The following RNF157 variants were observed in gnomAD, a reference collection of about 807,000 sequenced individuals.
RNF157 encodes ring finger protein 157.
Under a neutral mutation model 88.3 loss-of-function variants are expected in RNF157, and 55 were observed. That is an observed-to-expected ratio of 0.62 (90% CI 0.50 to 0.78). The LOEUF is 0.78. RNF157 is among the 30% of genes least tolerant of loss of function. RNF157 has a pLI of 0.00. For synonymous variants in RNF157, 334 were observed against 341.2 expected (o/e 0.98, Z 0.23); for missense variants, 788 against 860.8 (o/e 0.92, Z 1.06).
Position 76,240,375 on chromosome 17 carries a change from C to CTG in RNF157, c.-137_-136dup. On this transcript the variant is annotated 5_prime_UTR_variant, in exon 1 of 19. An upstream open reading frame in the 5' UTR loses its in-frame stop. Coordinates refer to ENST00000269391, the MANE Select transcript of RNF157 (RefSeq NM_052916.3). The surrounding 1 kb of genome is among the most constrained non-coding windows in gnomAD (Gnocchi z 4.4). ...CCGGCTCCGCTGCGGCGCTGCGGCT[C>CTG]TGGCGGCGGGGAGCCCCCGGCGCGC... 4.6e-6 allele frequency: 1 copy of CTG among 217,996 alleles called. No homozygotes were observed. The highest frequency in any genetic ancestry group is 7.6e-6 in the Non-Finnish European group (1 of 131,536). The allele number at this position is 217,996 out of a possible 1,614,324, so 13.5% of individuals were successfully genotyped here.
At chr17:76,202,126 T>TCACACACACA (rs1174829610) in intron 2 of RNF157, among the ~76,000 whole-genome samples, 10 of 137,714 alleles carry the variant, frequency 7.3e-5, no homozygotes, top group African/African-American at 3.0e-4. Context: ...TCTCTCTCTC[T>TCACACACACA]CTCACACACA....
chr17:76,214,616 T>C (rs2069857661), intron 1 of RNF157, among the ~76,000 whole-genome samples: 2 of 152,226 alleles, frequency 1.3e-5, no homozygotes, highest in South Asian at 4.1e-4. Context: ...GGGGACAATT[T>C]AATGCTATGA....
intron 2 of RNF157, among the ~76,000 whole-genome samples, chr17:76,188,503 G>A (rs1435036154): frequency 6.6e-6 from 1 of 152,122 alleles, no homozygotes; most frequent in African/African-American, 2.4e-5. Context: ...AGGTGTCTTA[G>A]CATTAACCAC....
chr17:76,170,915 T>C (rs956765309), intron 3 of RNF157, among the ~76,000 whole-genome samples: 2 of 152,150 alleles, frequency 1.3e-5, no homozygotes, highest in African/African-American at 4.8e-5. Flanking sequence ...TTTATTGAGA[T>C]GGAGTCTCAC....
Position 76,161,880 on chromosome 17 carries a change from C to G in RNF157, c.915G>C (p.Leu305=), listed in dbSNP as rs1251725616. The change falls in exon 10 of 19, where the codon CTG becomes CTC. Residue 305 remains leucine (L), a synonymous_variant. Transcript: ENST00000269391. This position sits in a 1 kb window ranked among gnomAD's most constrained non-coding sequence, Gnocchi z 4.6. ...TGGGGCAGTTGTTGGCCTGGTAGCG[C>G]AGCGTGTCTGCACAGGTGTTACAGA... is the stretch of plus-strand genomic sequence containing the variant. ...LCLCNTCADT[L]RYQANNCPIC... 6.2e-7 allele frequency: 1 copy of G among 1,614,268 alleles called. No individual in the cohort carries two copies. Among genetic ancestry groups the G allele is most frequent in the African/African-American group, 1.3e-5 (1 of 75,074 alleles).
At chr17:76,174,759 G>C (rs557956847) in intron 2 of RNF157, among the ~76,000 whole-genome samples, 51 of 152,286 alleles carry the variant, frequency 3.3e-4, no homozygotes, top group Admixed American at 1.8e-3. Flanking sequence ...AAACAATATA[G>C]TTAAACCATA....
chr17:76,173,694 G>GA lies in RNF157; in HGVS notation c.296+7dup, dbSNP rs781082080. On this transcript the variant is annotated splice_region_variant and intron_variant, in intron 3 of 18. Coordinates refer to ENST00000269391, the MANE Select transcript of RNF157 (RefSeq NM_052916.3). Reference sequence around the variant, plus strand: ...CCTGGGACCTGGCCCCAGCCTCTGGGAACTTACTTGACGAGCCTCAGTGTG... The same window carrying GA: ...CCTGGGACCTGGCCCCAGCCTCTGGGAAACTTACTTGACGAGCCTCAGTGTG... The GA allele has an allele frequency of 1.3e-6, 2 of 1,599,228 alleles. No homozygotes were observed. The highest frequency in any genetic ancestry group is 4.5e-5 in the East Asian group (2 of 44,518).
At chr17:76,192,098 A>G (rs576665218) in intron 2 of RNF157, among the ~76,000 whole-genome samples, 2 of 152,346 alleles carry the variant, frequency 1.3e-5, no homozygotes, top group East Asian at 1.9e-4. Flanking sequence ...CAATGACAAC[A>G]GGAAACAGAG....
At chr17:76,187,364 G>A (rs1271872065) in intron 2 of RNF157, among the ~76,000 whole-genome samples, 2 of 150,604 alleles carry the variant, frequency 1.3e-5, no homozygotes, top group East Asian at 2.0e-4. Flanking sequence ...TTTGTATTTT[G>A]AGTAGAGATG....
chr17:76,233,983 A>T (rs2070238595), intron 1 of RNF157, among the ~76,000 whole-genome samples: 1 of 152,248 alleles, frequency 6.6e-6, no homozygotes, highest in Non-Finnish European at 1.5e-5. Context: ...TATCCCAAAA[A>T]GAAATCCATT....
intron 1 of RNF157, among the ~76,000 whole-genome samples, chr17:76,214,190 T>C (rs2069850115): frequency 6.6e-6 from 1 of 152,108 alleles, no homozygotes; most frequent in Non-Finnish European, 1.5e-5. Context: ...GATGGGACAC[T>C]ATCTTCAAGT....
At chr17:76,156,453 C>A in intron 13 of RNF157, 132 bp from the exon 14 acceptor site, 1 of 1,470,336 alleles carries the variant, frequency 6.8e-7, no homozygotes, top group Non-Finnish European at 9.0e-7. Flanking sequence ...GAGTGGCATG[C>A]AGAGGCCGCA....
At chr17:76,152,862 G>A (rs964128916) in intron 17 of RNF157, among the ~76,000 whole-genome samples, 4 of 152,226 alleles carry the variant, frequency 2.6e-5, no homozygotes, top group Non-Finnish European at 5.9e-5. Flanking sequence ...CATCTGCCTT[G>A]GGTGTGAGCT....
intron 15 of RNF157, 84 bp from the exon 16 acceptor site, chr17:76,155,401 G>T: frequency 6.7e-7 from 1 of 1,490,404 alleles, no homozygotes; most frequent in Non-Finnish European, 9.3e-7. Context: ...CAAAATTGGT[G>T]TCAAATAGGA....
At position 76,155,256 on chromosome 17, in the gene RNF157, G is replaced by A. The variant is rs755234792; in HGVS notation, c.1760C>T (p.Ala587Val). 19 of 1,614,018 alleles carry A rather than the reference G, an allele frequency of 1.2e-5. No individual in the cohort carries two copies. In the South Asian group the frequency reaches 1.6e-4, roughly 14 times the overall value. The change falls in exon 16 of 19, where the codon GCA becomes GTA. Residue 587 changes from alanine (A) to valine (V), a missense_variant. Physicochemically the swap from Ala to Val is moderately conservative, Grantham distance 64. Transcript: ENST00000269391. Reference sequence around the variant, plus strand: ...ACTCCGTGCTGTTGGGGTTACCTCTGCATCCTGCTCTCCAGCTGGGAGGCC... The same window carrying A: ...ACTCCGTGCTGTTGGGGTTACCTCTACATCCTGCTCTCCAGCTGGGAGGCC... The part of the protein sequence containing the change: ...FAGLPAGEQD[A>V]EGNDVIEEED...
At chr17:76,223,374 G>A (rs2070022219) in intron 1 of RNF157, among the ~76,000 whole-genome samples, 1 of 151,900 alleles carries the variant, frequency 6.6e-6, no homozygotes, top group South Asian at 2.1e-4. Flanking sequence ...TTTTAGTAGA[G>A]ACGGGGTTTC....
intron 2 of RNF157, among the ~76,000 whole-genome samples, chr17:76,210,327 C>T (rs1043899899): frequency 4.6e-5 from 7 of 152,036 alleles, no homozygotes; most frequent in Non-Finnish European, 7.4e-5. Context: ...GGCGCAGTGG[C>T]TCATGCCTGT....
intron 1 of RNF157, chr17:76,226,671 G>T (rs2070093018): frequency 2.5e-6 from 4 of 1,612,180 alleles, no homozygotes; most frequent in South Asian, 2.2e-5. Flanking sequence ...AACCCATGAG[G>T]TTTGAAGTGC....
intron 13 of RNF157, among the ~76,000 whole-genome samples, chr17:76,156,714 G>T (rs1012549882): frequency 6.6e-6 from 1 of 152,164 alleles, no homozygotes; most frequent in African/African-American, 2.4e-5. Context: ...TGCCTGCAGG[G>T]TATCTCCACG....
Sources: allele counts gnomAD v4.1 joint callset (sites outside exome capture counted in the v4.1 genomes callset), GRCh38; gene constraint gnomAD v4.1.1; non-coding constraint Gnocchi (gnomAD v3.1); transcripts MANE v1.5; gene names NCBI Gene and HGNC (gene_info 2026-07-23, HGNC 2026-07-21).